Variants in SWAP70 observed in about 807,000 individuals in gnomAD.
The protein encoded by SWAP70 is switch-associated protein 70.
A neutral mutation model predicts 80.2 loss-of-function variants in SWAP70; 34 were observed. The observed-to-expected ratio is 0.42, with a 90% CI of 0.32 to 0.56. SWAP70 has a LOEUF of 0.56. SWAP70 is among the 20% of genes least tolerant of loss of function. The pLI, the probability that SWAP70 is intolerant of heterozygous loss-of-function variation, is 0.09. For missense variants in SWAP70, 578 were observed against 690.7 expected (o/e 0.84, Z 1.83); for synonymous variants, 239 against 238.5 (o/e 1.00, Z -0.02).
chr11:9,668,451 T>G (rs1322551170), intron 1 of SWAP70, among the ~76,000 whole-genome samples: 1 of 152,256 alleles, frequency 6.6e-6, no homozygotes, highest in Non-Finnish European at 1.5e-5. Flanking sequence ...TCTGTTCATC[T>G]TGCCAGTGTT....
At chr11:9,749,056 C>A in intron 10 of SWAP70, 31 bp from the exon 11 acceptor site, 1 of 1,484,702 alleles carries the variant, frequency 6.7e-7, no homozygotes. Context: ...ACCCGTGTGT[C>A]TGCATAGTCC....
chr11:9,713,258 A>G (rs529687222), intron 2 of SWAP70, among the ~76,000 whole-genome samples: 2 of 152,364 alleles, frequency 1.3e-5, no homozygotes, highest in East Asian at 3.9e-4. Flanking sequence ...TGATATGGAC[A>G]GATGTTGGTT....
intron 2 of SWAP70, among the ~76,000 whole-genome samples, chr11:9,698,596 A>T (rs1038369438): frequency 6.9e-6 from 1 of 144,424 alleles, no homozygotes; most frequent in African/African-American, 2.6e-5. Context: ...GTAGAGATGG[A>T]GTTTTACCAT....
At chr11:9,721,815 T>C (rs951097263) in intron 3 of SWAP70, among the ~76,000 whole-genome samples, 1 of 152,220 alleles carries the variant, frequency 6.6e-6, no homozygotes, top group Non-Finnish European at 1.5e-5. Flanking sequence ...TATATATGCC[T>C]TTGCAAACAT....
rs886406494 is a variant in SWAP70 at position 9,700,799 on chromosome 11, A to C, written c.240+6513A>C. On this transcript the variant is annotated intron_variant, in intron 2 of 11. Coordinates refer to ENST00000318950, the MANE Select transcript of SWAP70 (RefSeq NM_015055.4). ...GGCAGGGAGGGGTAGAGTTGTTTAA[A>C]AGCCATTTTGATTACCTCACACTTG... Among the ~76,000 whole-genome samples, 3 of 152,146 alleles carry C rather than the reference A, an allele frequency of 2.0e-5. No individual in the cohort carries two copies. In the South Asian group the frequency reaches 6.2e-4, roughly 31 times the overall value.
chr11:9,670,654 G>T (rs1850364337), intron 1 of SWAP70, among the ~76,000 whole-genome samples: 2 of 152,102 alleles, frequency 1.3e-5, no homozygotes, highest in Admixed American at 1.3e-4. Flanking sequence ...TCAGAGATAA[G>T]AACCCCTTTG....
At chr11:9,699,905 A>G (rs1186074568) in intron 2 of SWAP70, among the ~76,000 whole-genome samples, 1 of 150,444 alleles carries the variant, frequency 6.6e-6, no homozygotes, top group African/African-American at 2.5e-5. Flanking sequence ...CTAGATACAG[A>G]CAGTAAATAG....
chr11:9,707,352 A>C (rs988991806), intron 2 of SWAP70, among the ~76,000 whole-genome samples: 1 of 151,652 alleles, frequency 6.6e-6, no homozygotes, highest in Non-Finnish European at 1.5e-5. Flanking sequence ...CCATTCTACT[A>C]TTTTTTTAAA....
At chr11:9,716,744 G>A (rs1851071498) in intron 3 of SWAP70, among the ~76,000 whole-genome samples, 1 of 152,208 alleles carries the variant, frequency 6.6e-6, no homozygotes, top group African/African-American at 2.4e-5. Flanking sequence ...GTGGAGCTGT[G>A]CACTAGAAGT....
In SWAP70 at chr11:9,666,026, CT is replaced by C. The variant is rs202120511; in HGVS notation, c.99+1759del. Among the ~76,000 whole-genome samples the C allele has an allele frequency of 3.8e-3, 502 of 133,170 alleles. 9 individuals carry two copies. The East Asian group carries it at 0.047, about 13-fold the overall frequency. 87.4% of individuals were successfully genotyped at this position (133,170 alleles called of 152,430 possible). A position where few individuals can be genotyped will look rare whatever the true frequency, so the allele number is the denominator to read the frequency against. On this transcript the variant is annotated intron_variant, in intron 1 of 11. Transcript: ENST00000318950. The stretch of plus-strand genomic sequence containing the variant: ...CCATTTTATTATAATTTGGTTTCTG[CT>C]TTTTTTTTTTCCTCTCTTTTTCTTC...
rs184190113 is a variant in SWAP70 at position 9,674,097 on chromosome 11, C to T, written c.99+9819C>T. ...GTATTTTTTAGTAGAGACCGAGTTT[C>T]GCCGTGTTGGCCAGGCTGGTCTCAA... On this transcript the variant is annotated intron_variant, in intron 1 of 11. Transcript: ENST00000318950. 8.8e-3 allele frequency among the ~76,000 whole-genome samples: 1,332 copies of T among 152,154 alleles called. 15 individuals are homozygous for T. The highest frequency in any genetic ancestry group is 0.031 in the African/African-American group (1,278 of 41,500).
intron 9 of SWAP70, chr11:9,740,882 T>C (rs951076012): frequency 1.9e-5 from 3 of 157,136 alleles, no homozygotes; most frequent in African/African-American, 7.2e-5. Flanking sequence ...CCCTTAGAAC[T>C]TTATGATAGT....
In SWAP70 at chr11:9,722,409, C is replaced by T. The variant is rs144244571; in HGVS notation, c.415-2249C>T. The stretch of plus-strand genomic sequence containing the variant: ...AGTGCAGTGACCTAGAAAAGGAACA[C>T]GTGACCTGGGTTAGGGTTGGTCAGA... On this transcript the variant is annotated intron_variant, in intron 3 of 11. Transcript: ENST00000318950. 1.4e-4 allele frequency among the ~76,000 whole-genome samples: 22 copies of T among 152,294 alleles called. No individual in the cohort carries two copies. In the Middle Eastern group the frequency reaches 0.01, roughly 71 times the overall value.
chr11:9,688,384 A>G (rs553280334), intron 1 of SWAP70, among the ~76,000 whole-genome samples: 14 of 152,160 alleles, frequency 9.2e-5, no homozygotes, highest in Non-Finnish European at 1.6e-4. Flanking sequence ...TGGGTGGTGA[A>G]GGCTTCAGAA....
intron 2 of SWAP70, among the ~76,000 whole-genome samples, chr11:9,699,363 C>T (rs74764811): frequency 0.14 from 20,701 of 152,014 alleles, 3,060 homozygotes; most frequent in African/African-American, 0.37. Flanking sequence ...ATGTGTAAAG[C>T]CTCAGCACTT....
intron 1 of SWAP70, among the ~76,000 whole-genome samples, chr11:9,685,103 A>G (rs934059112): frequency 6.6e-6 from 1 of 151,142 alleles, no homozygotes; most frequent in East Asian, 1.9e-4. Context: ...TTTGTTGTCC[A>G]TTAGGGTGAC....
intron 1 of SWAP70, among the ~76,000 whole-genome samples, chr11:9,691,520 C>T (rs1235274363): frequency 1.3e-5 from 2 of 152,154 alleles, no homozygotes; most frequent in East Asian, 3.8e-4. Flanking sequence ...GTTTAATTGT[C>T]GAAGGCTGAA....
At position 9,725,530 on chromosome 11, in the gene SWAP70, A is replaced by AATAT. The variant is rs1211819180; in HGVS notation, c.642+682_642+685dup. 3.1e-3 allele frequency among the ~76,000 whole-genome samples: 185 copies of AATAT among 60,510 alleles called. 1 individual carries two copies. Among genetic ancestry groups the AATAT allele is most frequent in the African/African-American group, 3.8e-3 (57 of 14,970 alleles). 39.7% of individuals were successfully genotyped at this position (60,510 alleles called of 152,430 possible). On this transcript the variant is annotated intron_variant, in intron 4 of 11. Transcript: ENST00000318950. ...AACCCTGTCTGTATTAAAAATACAA[A>AATAT]ATATATATATATATATATATATATA... is the stretch of plus-strand genomic sequence containing the variant.
At chr11:9,748,658 C>A (rs979036779) in intron 10 of SWAP70, among the ~76,000 whole-genome samples, 12 of 152,200 alleles carry the variant, frequency 7.9e-5, no homozygotes, top group East Asian at 7.7e-4. Context: ...TCCTCGTGTC[C>A]CTTCAGCACC....
Sources: gnomAD v4.1 joint callset for allele counts (sites outside exome capture counted in the v4.1 genomes callset) on GRCh38, gnomAD v4.1.1 for gene constraint, MANE v1.5 for transcripts, NCBI Gene and HGNC (gene_info 2026-07-23, HGNC 2026-07-21) for gene names.